Variants in GPC5 observed in about 807,000 individuals in gnomAD.
The protein encoded by GPC5 is glypican 5, also known as glypican-5.
Under a neutral mutation model 53.9 loss-of-function variants are expected in GPC5, and 47 were observed. The ratio of observed to expected loss-of-function variants is 0.87; its 90% CI spans 0.69 to 1.11. The LOEUF is 1.11. Among genes scored for constraint, GPC5 ranks in the 50% most tolerant of loss-of-function variants. The pLI is 0.00. For missense variants in GPC5, 748 were observed against 713.1 expected (o/e 1.05, Z -0.56); for synonymous variants, 286 against 263.3 (o/e 1.09, Z -0.84).
chr13:92,067,457 A>G (rs990845434), intron 6 of GPC5, among the ~76,000 whole-genome samples: 3 of 152,056 alleles, frequency 2.0e-5, no homozygotes, highest in African/African-American at 7.2e-5. Context: ...TTTTAGGATC[A>G]GAGAATTTCA....
intron 6 of GPC5, among the ~76,000 whole-genome samples, chr13:92,074,122 T>C (rs75523755): frequency 1.3e-5 from 2 of 152,258 alleles, no homozygotes; most frequent in East Asian, 3.9e-4. Flanking sequence ...CGTGAGTGAA[T>C]ACATTGAGGA....
chr13:92,421,379 A>G (rs965874843), intron 7 of GPC5, among the ~76,000 whole-genome samples: 1 of 152,152 alleles, frequency 6.6e-6, no homozygotes, highest in Non-Finnish European at 1.5e-5. Flanking sequence ...GTTATAAAGA[A>G]ATGCCTGAGA....
intron 7 of GPC5, chr13:92,484,661 CT>C: frequency 6.6e-6 from 1 of 152,290 alleles, no homozygotes; most frequent in African/African-American, 2.4e-5. Flanking sequence ...AGGCTACTCT[CT>C]TTAGAAGGAC....
chr13:92,822,546 A>G (rs1555315751), intron 7 of GPC5, among the ~76,000 whole-genome samples: 1 of 152,158 alleles, frequency 6.6e-6, no homozygotes, highest in Non-Finnish European at 1.5e-5. Flanking sequence ...GTCCAAGACA[A>G]GGAACAGGGA....
chr13:92,780,445 A>T (rs1428514046), intron 7 of GPC5, among the ~76,000 whole-genome samples: 3 of 151,876 alleles, frequency 2.0e-5, no homozygotes, highest in Admixed American at 1.3e-4. Context: ...ATTGCATGGT[A>T]TTACCTAAAT....
intron 7 of GPC5, among the ~76,000 whole-genome samples, chr13:92,750,997 C>T (rs547728209): frequency 3.3e-5 from 5 of 151,916 alleles, no homozygotes; most frequent in African/African-American, 1.2e-4. Context: ...TATTTTCATC[C>T]ATTGTTTAAA....
intron 6 of GPC5, among the ~76,000 whole-genome samples, chr13:91,955,427 T>C (rs1300174076): frequency 6.6e-6 from 1 of 152,128 alleles, no homozygotes; most frequent in Non-Finnish European, 1.5e-5. Context: ...AGCAAGTAGA[T>C]AATCACACTT....
intron 7 of GPC5, among the ~76,000 whole-genome samples, chr13:92,644,693 T>C (rs1311203625): frequency 2.0e-5 from 3 of 152,184 alleles, no homozygotes; most frequent in Non-Finnish European, 2.9e-5. Context: ...TGAAATATTG[T>C]AATATATTAA....
chr13:92,432,566 G>A (rs1425763088), intron 7 of GPC5, among the ~76,000 whole-genome samples: 1 of 149,866 alleles, frequency 6.7e-6, no homozygotes, highest in Non-Finnish European at 1.5e-5. Context: ...AAATAGAGAC[G>A]TGATTTCGCT....
intron 7 of GPC5, among the ~76,000 whole-genome samples, chr13:92,452,199 A>G (rs1404354650): frequency 6.6e-6 from 1 of 152,204 alleles, no homozygotes; most frequent in Admixed American, 6.5e-5. Context: ...CTGCAGGATT[A>G]CAGAAACGCA....
intron 7 of GPC5, among the ~76,000 whole-genome samples, chr13:92,357,983 G>A (rs2043536621): frequency 6.6e-6 from 1 of 151,636 alleles, no homozygotes; most frequent in Non-Finnish European, 1.5e-5. Context: ...AGTCCCCTGA[G>A]TTTTAAATCA....
chr13:91,799,754 AG>A (rs2038104494), intron 5 of GPC5, among the ~76,000 whole-genome samples: 1 of 152,206 alleles, frequency 6.6e-6, no homozygotes, highest in South Asian at 2.1e-4. Context: ...TAAAGATAAT[AG>A]GTTGCTTGCA....
intron 7 of GPC5, among the ~76,000 whole-genome samples, chr13:92,244,304 G>C (rs2042634757): frequency 6.6e-6 from 1 of 152,158 alleles, no homozygotes; most frequent in South Asian, 2.1e-4. Flanking sequence ...TTCCAGAAGA[G>C]TAAACTTTGC....
At chr13:91,506,005 A>G (rs559339448) in intron 2 of GPC5, among the ~76,000 whole-genome samples, 2 of 152,168 alleles carry the variant, frequency 1.3e-5, no homozygotes, top group South Asian at 4.1e-4. Context: ...AAGGTGATAT[A>G]TTTGTGTTTC....
intron 4 of GPC5, among the ~76,000 whole-genome samples, chr13:91,751,941 C>G (rs2037186458): frequency 6.6e-6 from 1 of 152,144 alleles, no homozygotes; most frequent in Non-Finnish European, 1.5e-5. Flanking sequence ...TAACAAAATA[C>G]CACAGACTGG....
chr13:92,303,666 C>A (rs1396544864), intron 7 of GPC5, among the ~76,000 whole-genome samples: 2 of 152,242 alleles, frequency 1.3e-5, no homozygotes, highest in Non-Finnish European at 2.9e-5. Flanking sequence ...CAACACAAAC[C>A]AAAAGCAGCT....
Position 92,558,533 on chromosome 13 carries a change from CAGTT to C in GPC5, c.1562-307746_1562-307743del, listed in dbSNP as rs201145966. On this transcript the variant is annotated intron_variant, in intron 7 of 7. Coordinates refer to ENST00000377067, the MANE Select transcript of GPC5 (RefSeq NM_004466.6). The stretch of plus-strand genomic sequence containing the variant: ...TATGAATTCAGTAAGGTAGTTTTCT[CAGTT>C]AGGGTTATGTTTGTCATATTTGCAC... Among the ~76,000 whole-genome samples the C allele has an allele frequency of 6.0e-3, 920 of 152,100 alleles. 11 individuals are homozygous for C. The highest frequency in any genetic ancestry group is 0.021 in the African/African-American group (856 of 41,530).
intron 2 of GPC5, among the ~76,000 whole-genome samples, chr13:91,681,334 C>A (rs182710170): frequency 6.6e-6 from 1 of 152,264 alleles, no homozygotes; most frequent in East Asian, 1.9e-4. Flanking sequence ...GCTTTAGAAG[C>A]TAGAGTTACT....
At chr13:92,361,088 C>T (rs1039617345) in intron 7 of GPC5, among the ~76,000 whole-genome samples, 6 of 151,746 alleles carry the variant, frequency 4.0e-5, no homozygotes. Flanking sequence ...GAAATGCAGC[C>T]ATTGTCGCTG....
Sources: gnomAD v4.1 joint callset for allele counts (sites outside exome capture counted in the v4.1 genomes callset) on GRCh38, gnomAD v4.1.1 for gene constraint, MANE v1.5 for transcripts, NCBI Gene and HGNC (gene_info 2026-07-23, HGNC 2026-07-21) for gene names.